The following MCUB variants were observed in gnomAD, a reference collection of about 807,000 sequenced individuals.
The protein encoded by MCUB is mitochondrial calcium uniporter dominant negative subunit beta.
MCUB carries 46 observed loss-of-function variants against 41.4 expected under a neutral mutation model. That is an observed-to-expected ratio of 1.11 (90% confidence interval 0.88 to 1.42). MCUB has a LOEUF of 1.42. Among genes scored for constraint, MCUB ranks in the 40% most tolerant of loss-of-function variants. The pLI, the probability that MCUB is intolerant of heterozygous loss-of-function variation, is 0.00. For synonymous variants in MCUB, 148 were observed against 148.2 expected (o/e 1.00, Z 0.01); for missense variants, 403 against 404.9 (o/e 1.00, Z 0.04).
chr4:109,573,927 C>T (rs909906109), intron 1 of MCUB, among the ~76,000 whole-genome samples: 7 of 135,372 alleles, frequency 5.2e-5, no homozygotes, highest in Non-Finnish European at 7.6e-5. Flanking sequence ...GGCTGGATTG[C>T]AGTGGCGCAA....
At chr4:109,644,210 A>AT (rs910405751) in intron 1 of MCUB, among the ~76,000 whole-genome samples, 10 of 152,190 alleles carry the variant, frequency 6.6e-5, no homozygotes, top group African/African-American at 1.4e-4. Flanking sequence ...AATAGAACAG[A>AT]TTTTTTCAAG....
In MCUB at chr4:109,658,033, G is replaced by A. The variant is rs112079461; in HGVS notation, c.100-978G>A. Among the ~76,000 whole-genome samples, 999 of 152,258 alleles carry A rather than the reference G, an allele frequency of 6.6e-3. 10 individuals carry two copies. Among genetic ancestry groups the A allele is most frequent in the Non-Finnish European group, 0.011 (717 of 68,018 alleles). ...ATAGGAGACAGGGTCTCACTGTGTC[G>A]GCCAGGCTGGCCTTGAACTCCTGAG... On this transcript the variant is annotated intron_variant, in intron 1 of 7. Coordinates refer to ENST00000394650, the MANE Select transcript of MCUB (RefSeq NM_017918.5).
chr4:109,589,850 T>G (rs994387158), intron 1 of MCUB, among the ~76,000 whole-genome samples: 19 of 152,224 alleles, frequency 1.2e-4, no homozygotes, highest in Non-Finnish European at 5.9e-5. Flanking sequence ...TCCGTCTGCC[T>G]GACCATGCAG....
chr4:109,626,983 T>C (rs892262224), intron 1 of MCUB, among the ~76,000 whole-genome samples: 3 of 152,188 alleles, frequency 2.0e-5, no homozygotes, highest in Admixed American at 2.0e-4. Flanking sequence ...TGGAGATATT[T>C]GTTCAACATT....
chr4:109,562,043 G>C (rs1420848300), intron 1 of MCUB, among the ~76,000 whole-genome samples: 2 of 152,100 alleles, frequency 1.3e-5, no homozygotes, highest in Non-Finnish European at 2.9e-5. Context: ...GAGCCACCGC[G>C]ACCAGCCCCA....
At chr4:109,650,451 G>A (rs1728936446) in intron 1 of MCUB, among the ~76,000 whole-genome samples, 1 of 152,124 alleles carries the variant, frequency 6.6e-6, no homozygotes, top group Non-Finnish European at 1.5e-5. Flanking sequence ...TTTTGGTGTT[G>A]TAAACCTATT....
chr4:109,610,661 A>T (rs76275996), intron 1 of MCUB, among the ~76,000 whole-genome samples: 1,911 of 152,278 alleles, frequency 0.013, 36 homozygotes, highest in African/African-American at 0.038. Flanking sequence ...GCAGGGATAC[A>T]TTCTGAGAAG....
intron 1 of MCUB, among the ~76,000 whole-genome samples, chr4:109,576,914 C>A (rs1342679767): frequency 6.6e-6 from 1 of 152,076 alleles, no homozygotes; most frequent in Non-Finnish European, 1.5e-5. Context: ...TGCAGTGGCG[C>A]AATCTCGCCT....
At chr4:109,591,187 T>C (rs1024263937) in intron 1 of MCUB, among the ~76,000 whole-genome samples, 3 of 138,120 alleles carry the variant, frequency 2.2e-5, no homozygotes, top group Non-Finnish European at 4.5e-5. Context: ...TTAAAATTCT[T>C]TTTTTTTTTT....
intron 1 of MCUB, among the ~76,000 whole-genome samples, chr4:109,602,302 A>G (rs1727762961): frequency 6.6e-6 from 1 of 151,762 alleles, no homozygotes; most frequent in African/African-American, 2.4e-5. Flanking sequence ...TGCTCCAGTG[A>G]GAGTTTCCCC....
rs1351713410 is a variant in MCUB, at chr4:109,570,483, G to C, written c.99+10047G>C. On this transcript the variant is annotated intron_variant, in intron 1 of 7. Transcript: ENST00000394650. Reference sequence around the variant, plus strand: ...GGTCCAAATAGTAAACATTTTCACTGTTGGTGGCCTTTGGCCTCTGTCCAA... The same window carrying C: ...GGTCCAAATAGTAAACATTTTCACTCTTGGTGGCCTTTGGCCTCTGTCCAA... 2.6e-5 allele frequency among the ~76,000 whole-genome samples: 4 copies of C among 152,238 alleles called. No individual in the cohort carries two copies. The East Asian group carries it at 5.8e-4, about 22-fold the overall frequency.
intron 1 of MCUB, among the ~76,000 whole-genome samples, chr4:109,619,030 G>GCCTGCCTACCTA (rs1554017841): frequency 6.7e-5 from 8 of 118,704 alleles, no homozygotes; most frequent in African/African-American, 1.6e-4. Context: ...CTACCTGCCT[G>GCCTGCCTACCTA]CCTACCTACC....
intron 4 of MCUB, among the ~76,000 whole-genome samples, chr4:109,676,687 T>C (rs1729584121): frequency 6.6e-6 from 1 of 152,234 alleles, no homozygotes; most frequent in East Asian, 1.9e-4. Context: ...TCTGCTGCAA[T>C]AGCAGAATAG....
chr4:109,620,197 A>G lies in MCUB; in HGVS notation c.100-38814A>G, dbSNP rs951812909. Among the ~76,000 whole-genome samples the G allele has an allele frequency of 2.0e-5, 3 of 152,062 alleles. No individual in the cohort carries two copies. The South Asian group carries it at 6.2e-4, about 32-fold the overall frequency. On this transcript the variant is annotated intron_variant, in intron 1 of 7. Transcript: ENST00000394650. ...CCAATGTCAGACAGATGCCTCGATT[A>G]CTTCTAACTGCAATGTAAATTTAAA...
chr4:109,565,926 C>T (rs1726764981), intron 1 of MCUB, among the ~76,000 whole-genome samples: 1 of 151,396 alleles, frequency 6.6e-6, no homozygotes, highest in Non-Finnish European at 1.5e-5. Context: ...CAGCCTCAAC[C>T]TCGTGGGTTC....
chr4:109,618,709 A>T (rs1173693135), intron 1 of MCUB, among the ~76,000 whole-genome samples: 3 of 152,230 alleles, frequency 2.0e-5, no homozygotes, highest in African/African-American at 7.2e-5. Flanking sequence ...GAAATAAAAT[A>T]TCATATGACC....
chr4:109,682,779 A>G, intron 5 of MCUB, 37 bp downstream of exon 5: 5 of 1,524,048 alleles, frequency 3.3e-6, no homozygotes, highest in Non-Finnish European at 4.5e-6. Flanking sequence ...TTTGAAAATA[A>G]TACCTAGTGT....
chr4:109,584,285 C>T (rs1257906199), intron 1 of MCUB, among the ~76,000 whole-genome samples: 1 of 152,132 alleles, frequency 6.6e-6, no homozygotes. Context: ...TCTGTGGGAT[C>T]AGTGGTGATA....
intron 1 of MCUB, among the ~76,000 whole-genome samples, chr4:109,578,980 A>G (rs996771456): frequency 1.3e-5 from 2 of 152,144 alleles, no homozygotes; most frequent in African/African-American, 4.8e-5. Flanking sequence ...TGTTTACATA[A>G]CCATATCCTG....
Sources: gnomAD v4.1 joint callset for allele counts (sites outside exome capture counted in the v4.1 genomes callset) on GRCh38, gnomAD v4.1.1 for gene constraint, MANE v1.5 for transcripts, NCBI Gene and HGNC (gene_info 2026-07-23, HGNC 2026-07-21) for gene names.